Variants in NDUFB4 observed in about 807,000 individuals in gnomAD.
The protein encoded by NDUFB4 is NADH:ubiquinone oxidoreductase subunit B4, also known as NADH dehydrogenase [ubiquinone] 1 beta subcomplex subunit 4.
A neutral mutation model predicts 14.5 loss-of-function variants in NDUFB4; 10 were observed. The ratio of observed to expected loss-of-function variants is 0.69; its 90% CI spans 0.43 to 1.17. The LOEUF (loss-of-function observed/expected upper bound fraction) is 1.17. Among genes scored for constraint, NDUFB4 ranks in the 50% most tolerant of loss-of-function variants. The pLI, the probability that NDUFB4 is intolerant of heterozygous loss-of-function variation, is 0.00. For missense variants in NDUFB4, 165 were observed against 161.1 expected (o/e 1.02, Z -0.13); for synonymous variants, 65 against 63.4 (o/e 1.03, Z -0.12).
chr3:120,601,024 T>A (rs1940049318), intron 1 of NDUFB4, 87 bp from the exon 2 acceptor site: 2 of 1,169,906 alleles, frequency 1.7e-6, no homozygotes, highest in Non-Finnish European at 1.2e-6. Flanking sequence ...AAAATGCGTC[T>A]GTGCTCCTTC....
In NDUFB4 at chr3:120,601,245, C is replaced by G. The variant is rs1290020259; in HGVS notation, c.315C>G (p.Ile105Met). The G allele has an allele frequency of 1.2e-6, 2 of 1,613,960 alleles. No individual in the cohort carries two copies. The highest frequency in any genetic ancestry group is 2.2e-5 in the East Asian group (1 of 44,888). The change falls in exon 2 of 3, where the codon ATC becomes ATG. Residue 105 changes from isoleucine to methionine, a missense_variant. Coordinates refer to ENST00000184266, the MANE Select transcript of NDUFB4 (RefSeq NM_004547.6). ...FGPLIFIYYIIKTERDRKEKL... is the reference protein window; with the variant it reads ...FGPLIFIYYIMKTERDRKEKL... ...CCCTCATCTTCATTTATTATATTAT[C>G]AAAACTGAGAGGGTAAGTATTCAGA...
At chr3:120,600,591 C>T (rs563156528) in intron 1 of NDUFB4, among the ~76,000 whole-genome samples, 2 of 152,292 alleles carry the variant, frequency 1.3e-5, no homozygotes, top group African/African-American at 2.4e-5. Context: ...TAGCCTACCC[C>T]CTCCTTCATC....
rs149966946 is a variant in NDUFB4 at position 120,598,160 on chromosome 3, C to T, written c.180+1621C>T. 8.5e-3 allele frequency among the ~76,000 whole-genome samples: 1,292 copies of T among 151,932 alleles called. 21 individuals are homozygous for T. The highest frequency in any genetic ancestry group is 0.03 in the African/African-American group (1,232 of 41,370). On this transcript the variant is annotated intron_variant, in intron 1 of 2. Transcript: ENST00000184266. ...CTCTGCCTCCCGGGCTCAAGCTGTC[C>T]TCCCACCTCCGCCTTCCAAGTAGCT... is the stretch of plus-strand genomic sequence containing the variant.
rs749515013 is a variant in NDUFB4, at chr3:120,596,438, C to T, written c.79C>T (p.Pro27Ser). ...TLDPAEYNISPETRRAQAERL... is the reference protein window; with the variant it reads ...TLDPAEYNISSETRRAQAERL... ...CGACCCAGCCGAATACAACATATCTCCGGAAACCCGGCGGGCGCAAGCCGA... is the reference window on the plus strand; with the variant it reads ...CGACCCAGCCGAATACAACATATCTTCGGAAACCCGGCGGGCGCAAGCCGA... The change falls in exon 1 of 3, where the codon CCG (proline) becomes TCG (serine). Residue 27 changes from proline to serine, a missense_variant. Physicochemically the swap from Pro to Ser is moderately conservative, Grantham distance 74. Transcript: ENST00000184266. The T allele has an allele frequency of 2.2e-5, 35 of 1,614,034 alleles. No homozygotes were observed. Among genetic ancestry groups the T allele is most frequent in the African/African-American group, 5.3e-5 (4 of 74,936 alleles).
intron 1 of NDUFB4, 126 bp from the exon 2 acceptor site, chr3:120,600,985 A>G: frequency 1.3e-6 from 1 of 753,290 alleles, no homozygotes; most frequent in South Asian, 1.8e-5. Context: ...AGGAATATTC[A>G]TGATATACCC....
chr3:120,599,071 C>T (rs1389466736), intron 1 of NDUFB4, among the ~76,000 whole-genome samples: 3 of 152,020 alleles, frequency 2.0e-5, no homozygotes, highest in Admixed American at 2.0e-4. Context: ...GTAGAGCCAA[C>T]CAGGTTTGCT....
At chr3:120,599,599 T>C (rs1033445513) in intron 1 of NDUFB4, among the ~76,000 whole-genome samples, 3 of 152,062 alleles carry the variant, frequency 2.0e-5, no homozygotes, top group African/African-American at 7.3e-5. Flanking sequence ...GCACTGGACT[T>C]TTAGTGATGT....
chr3:120,601,367 GC>G, intron 2 of NDUFB4, 110 bp downstream of exon 2: 1 of 1,532,672 alleles, frequency 6.5e-7, no homozygotes, highest in Non-Finnish European at 8.7e-7. Context: ...CCACCTTGGG[GC>G]TGTCCTCTGC....
At position 120,601,474 on chromosome 3, in the gene NDUFB4, G is replaced by GT. The variant is rs547501580; in HGVS notation, c.327+223dup. The GT allele has an allele frequency of 5.0e-3, 6,985 of 1,393,874 alleles. 18 individuals are homozygous for GT. The highest frequency in any genetic ancestry group is 5.7e-3 in the Non-Finnish European group (6,127 of 1,081,340). 86.3% of individuals were successfully genotyped at this position (1,393,874 alleles called of 1,614,324 possible). A position where few individuals can be genotyped will look rare whatever the true frequency, so the allele number is the denominator to read the frequency against. ...TTTGTCTATTTTTGTTAGTTCATTT[G>GT]TTTTTTAAAAAGATGATGTTTATTG... On this transcript the variant is annotated intron_variant, in intron 2 of 2. Transcript: ENST00000184266.
intron 1 of NDUFB4, 42 bp from the exon 2 acceptor site, chr3:120,601,069 T>G: frequency 6.5e-7 from 1 of 1,544,312 alleles, no homozygotes; most frequent in East Asian, 2.2e-5. Flanking sequence ...CTCAATGTGA[T>G]CCTTCTTAAG....
At chr3:120,596,775 A>C (rs1939963802) in intron 1 of NDUFB4, 2 of 537,350 alleles carry the variant, frequency 3.7e-6, no homozygotes, top group African/African-American at 1.9e-5. Flanking sequence ...TGCCTGCGTG[A>C]CCTTAAGAAC....
intron 1 of NDUFB4, among the ~76,000 whole-genome samples, chr3:120,598,235 A>G (rs1940000282): frequency 2.0e-5 from 3 of 151,754 alleles, no homozygotes; most frequent in African/African-American, 7.3e-5. Context: ...TGTATTTTTT[A>G]TAGAGATGGA....
chr3:120,596,572 C>T, intron 1 of NDUFB4, 33 bp downstream of exon 1: 2 of 1,605,586 alleles, frequency 1.2e-6, no homozygotes, highest in South Asian at 2.2e-5. Flanking sequence ...GGGAATAGGG[C>T]CCGAGTCCTG....
intron 1 of NDUFB4, 88 bp downstream of exon 1, chr3:120,596,627 G>C (rs539328043): frequency 7.1e-6 from 10 of 1,405,728 alleles, no homozygotes; most frequent in Middle Eastern, 1.9e-4. Flanking sequence ...CACCGCTCCC[G>C]ATCAGTATCT....
intron 1 of NDUFB4, among the ~76,000 whole-genome samples, chr3:120,597,024 TTA>T (rs201595019): frequency 2.1e-5 from 3 of 141,056 alleles, no homozygotes; most frequent in African/African-American, 5.4e-5. Context: ...CATATATATT[TTA>T]TATATATGCA....
chr3:120,596,664 G>A, intron 1 of NDUFB4, 125 bp downstream of exon 1: 1 of 1,069,344 alleles, frequency 9.4e-7, no homozygotes, highest in East Asian at 2.6e-5. Flanking sequence ...TCCAGGCCTA[G>A]CCAACTCACT....
chr3:120,600,541 C>CT (rs1211449610), intron 1 of NDUFB4, among the ~76,000 whole-genome samples: 1 of 152,168 alleles, frequency 6.6e-6, no homozygotes, highest in African/African-American at 2.4e-5. Context: ...TGAATTAATG[C>CT]TTTTCACACT....
At chr3:120,597,394 A>T (rs1939983198) in intron 1 of NDUFB4, among the ~76,000 whole-genome samples, 1 of 152,214 alleles carries the variant, frequency 6.6e-6, no homozygotes. Context: ...GGTAATTAAC[A>T]GGTGTGCTTT....
chr3:120,598,346 G>A (rs1046026718), intron 1 of NDUFB4, among the ~76,000 whole-genome samples: 2 of 152,036 alleles, frequency 1.3e-5, no homozygotes, highest in Non-Finnish European at 2.9e-5. Flanking sequence ...GAGCCACTGT[G>A]CCTGGCCATC....
Sources: allele counts gnomAD v4.1 joint callset (sites outside exome capture counted in the v4.1 genomes callset), GRCh38; gene constraint gnomAD v4.1.1; transcripts MANE v1.5; gene names NCBI Gene and HGNC (gene_info 2026-07-23, HGNC 2026-07-21).